Variants in ROBO2 observed in about 807,000 individuals in gnomAD.
ROBO2 encodes the protein roundabout guidance receptor 2.
ROBO2 carries 53 observed loss-of-function variants against 160.8 expected under a neutral mutation model. That is an observed-to-expected ratio of 0.33 (90% CI 0.26 to 0.41). ROBO2 has a LOEUF of 0.41. Among genes scored for constraint, ROBO2 ranks in the 10% least tolerant of loss-of-function variants. The pLI, the probability that ROBO2 is intolerant of heterozygous loss-of-function variation, is 1.00. For missense variants in ROBO2, 1,577 were observed against 1,722.4 expected (o/e 0.92, Z 1.49); for synonymous variants, 664 against 611.7 (o/e 1.09, Z -1.26).
At chr3:76,540,351 C>T (rs761684279) in intron 2 of ROBO2, among the ~76,000 whole-genome samples, 23 of 152,124 alleles carry the variant, frequency 1.5e-4, no homozygotes, top group Non-Finnish European at 3.1e-4. Context: ...GAAGTTTGAA[C>T]TTAATGCAAT....
At chr3:76,570,200 G>A (rs371034391) in intron 2 of ROBO2, among the ~76,000 whole-genome samples, 20 of 152,144 alleles carry the variant, frequency 1.3e-4, no homozygotes, top group African/African-American at 4.1e-4. Context: ...ACTACTGATA[G>A]CCATTGGATA....
chr3:77,646,474 T>C (rs997073399), exon 26 of ROBO2: 1 of 157,850 alleles, frequency 6.3e-6, no homozygotes, highest in African/African-American at 2.4e-5. Context: ...GTGTAACTTT[T>C]ATGTTTAAAT....
rs567137884 is a variant in ROBO2, at chr3:76,404,606, A to T, written c.109+467004A>T. Among the ~76,000 whole-genome samples the T allele has an allele frequency of 2.0e-5, 3 of 151,494 alleles. 1 individual carries two copies. The Admixed American group carries it at 2.0e-4, about 10-fold the overall frequency. ...TTTTTTAATAGTTGCAAGCATGAACATAAAGCTACAATCTTAGGCACATTT... is the reference window on the plus strand; with the variant it reads ...TTTTTTAATAGTTGCAAGCATGAACTTAAAGCTACAATCTTAGGCACATTT... On this transcript the variant is annotated intron_variant, in intron 2 of 26. Transcript: ENST00000487694.
intron 2 of ROBO2, among the ~76,000 whole-genome samples, chr3:76,264,157 A>C (rs1253599360): frequency 6.6e-6 from 1 of 152,184 alleles, no homozygotes; most frequent in Non-Finnish European, 1.5e-5. Flanking sequence ...TGATGGGTGC[A>C]GCAAACCACC....
chr3:77,120,880 C>G (rs1382774580), intron 2 of ROBO2, among the ~76,000 whole-genome samples: 1 of 152,014 alleles, frequency 6.6e-6, no homozygotes, highest in Non-Finnish European at 1.5e-5. Context: ...CCTTAGAAAC[C>G]CAAAATAATT....
At chr3:76,642,900 T>C (rs2090768967) in intron 2 of ROBO2, among the ~76,000 whole-genome samples, 1 of 152,088 alleles carries the variant, frequency 6.6e-6, no homozygotes, top group African/African-American at 2.4e-5. Flanking sequence ...GCTTCATTAC[T>C]AAAAAAATCA....
At chr3:76,376,153 T>TA (rs5850254) in intron 2 of ROBO2, among the ~76,000 whole-genome samples, 2,525 of 152,224 alleles carry the variant, frequency 0.017, 50 homozygotes, top group African/African-American at 0.04. Context: ...TTCTTGGTCT[T>TA]AAAATAGTTA....
intron 2 of ROBO2, among the ~76,000 whole-genome samples, chr3:76,508,748 A>T (rs916196078): frequency 4.7e-4 from 71 of 152,328 alleles, no homozygotes; most frequent in African/African-American, 1.7e-3. Context: ...ATTTAAAAAG[A>T]TTCAAAACAT....
intron 2 of ROBO2, among the ~76,000 whole-genome samples, chr3:76,830,040 C>T (rs2066942235): frequency 6.6e-6 from 1 of 152,182 alleles, no homozygotes; most frequent in African/African-American, 2.4e-5. Flanking sequence ...GAAACCACCT[C>T]CAATCATTCT....
intron 2 of ROBO2, among the ~76,000 whole-genome samples, chr3:76,856,325 T>C (rs553476311): frequency 9.8e-5 from 15 of 152,320 alleles, no homozygotes; most frequent in African/African-American, 3.6e-4. Context: ...TACATATGTA[T>C]ACAACATGAT....
intron 23 of ROBO2, chr3:77,632,470 T>A (rs1455990666): frequency 6.6e-7 from 1 of 1,525,632 alleles, no homozygotes. Context: ...ACATTTGTTT[T>A]TAGGTTCAAT....
chr3:77,151,800 G>T (rs2150530271), intron 2 of ROBO2, among the ~76,000 whole-genome samples: 1 of 152,304 alleles, frequency 6.6e-6, no homozygotes, highest in Admixed American at 6.5e-5. Context: ...ATATTTAGAT[G>T]ATGTTGAAGA....
chr3:76,693,749 C>A (rs1197603945), intron 2 of ROBO2, among the ~76,000 whole-genome samples: 5 of 152,122 alleles, frequency 3.3e-5, no homozygotes, highest in African/African-American at 1.2e-4. Context: ...GGTCAAAGAA[C>A]CTGTAGTTCT....
At chr3:77,624,305 GAGTA>G (rs1285140076) in intron 23 of ROBO2, among the ~76,000 whole-genome samples, 10 of 151,184 alleles carry the variant, frequency 6.6e-5, no homozygotes. Flanking sequence ...TATGGTATGT[GAGTA>G]AGTGCTTATA....
At chr3:77,589,247 C>T (rs1164794243) in intron 17 of ROBO2, among the ~76,000 whole-genome samples, 4 of 152,198 alleles carry the variant, frequency 2.6e-5, no homozygotes, top group South Asian at 2.1e-4. Context: ...CACATGCACA[C>T]GCAGACTATG....
intron 2 of ROBO2, among the ~76,000 whole-genome samples, chr3:77,473,883 C>G (rs1334859616): frequency 1.3e-5 from 2 of 152,152 alleles, no homozygotes; most frequent in African/African-American, 4.8e-5. Flanking sequence ...CTTGGACATG[C>G]TGAACTGAAG....
intron 2 of ROBO2, among the ~76,000 whole-genome samples, chr3:76,402,681 G>C (rs1576974316): frequency 6.6e-6 from 1 of 151,562 alleles, no homozygotes; most frequent in East Asian, 1.9e-4. Context: ...GCTGCAAAGT[G>C]AGAGCTGTTC....
intron 5 of ROBO2, among the ~76,000 whole-genome samples, chr3:77,515,498 T>C (rs2089919041): frequency 6.6e-6 from 1 of 151,764 alleles, no homozygotes; most frequent in Non-Finnish European, 1.5e-5. Context: ...ACTACAAATT[T>C]ATACAATCTA....
At chr3:76,564,387 A>G (rs999345002) in intron 2 of ROBO2, among the ~76,000 whole-genome samples, 2 of 152,226 alleles carry the variant, frequency 1.3e-5, no homozygotes, top group Non-Finnish European at 2.9e-5. Context: ...TTACTTGCCA[A>G]GTACAGTTGG....
Sources: allele counts gnomAD v4.1 joint callset (sites outside exome capture counted in the v4.1 genomes callset), GRCh38; gene constraint gnomAD v4.1.1; transcripts MANE v1.5; gene names NCBI Gene and HGNC (gene_info 2026-07-23, HGNC 2026-07-21).